The following CACNA1E variants were observed in gnomAD, a reference collection of about 807,000 sequenced individuals.
CACNA1E encodes voltage-dependent R-type calcium channel subunit alpha-1E.
A neutral mutation model predicts 259.2 loss-of-function variants in CACNA1E; 40 were observed. That is an observed-to-expected ratio of 0.15 (90% CI 0.12 to 0.20). The LOEUF (loss-of-function observed/expected upper bound fraction) is 0.20. Among genes scored for constraint, CACNA1E ranks in the 10% least tolerant of loss-of-function variants. The pLI is 1.00. For missense variants in CACNA1E, 1,874 were observed against 3,040.1 expected (o/e 0.62, Z 9.02); for synonymous variants, 1,104 against 1,138.5 (o/e 0.97, Z 0.61).
At chr1:181,412,405 T>C (rs867036555) in intron 1 of CACNA1E, among the ~76,000 whole-genome samples, 40 of 152,108 alleles carry the variant, frequency 2.6e-4, no homozygotes, top group Admixed American at 7.2e-4. Context: ...ACGTCATCTC[T>C]ACAAAAAATA....
At chr1:181,394,378 A>G (rs1484783606) in intron 1 of CACNA1E, among the ~76,000 whole-genome samples, 1 of 152,224 alleles carries the variant, frequency 6.6e-6, no homozygotes, top group Non-Finnish European at 1.5e-5. Flanking sequence ...GATAATACAG[A>G]ACATTTTGTG....
At chr1:181,538,665 GA>G (rs34351318) in intron 3 of CACNA1E, among the ~76,000 whole-genome samples, 3 of 151,530 alleles carry the variant, frequency 2.0e-5, no homozygotes, top group South Asian at 4.2e-4. Flanking sequence ...CTGTGTTTGG[GA>G]AAAAAAAAAC....
intron 2 of CACNA1E, among the ~76,000 whole-genome samples, chr1:181,468,182 G>C (rs936199959): frequency 6.6e-6 from 1 of 152,168 alleles, no homozygotes; most frequent in African/African-American, 2.4e-5. Flanking sequence ...AGTTGAAAAT[G>C]TTCCCCAATT....
intron 6 of CACNA1E, among the ~76,000 whole-genome samples, chr1:181,582,293 G>A (rs1268832341): frequency 6.6e-6 from 1 of 152,226 alleles, no homozygotes; most frequent in African/African-American, 2.4e-5. Flanking sequence ...CTCACCAGCT[G>A]TGGGAGGCAG....
intron 34 of CACNA1E, among the ~76,000 whole-genome samples, chr1:181,766,135 T>C (rs1445552577): frequency 6.6e-6 from 1 of 151,926 alleles, no homozygotes; most frequent in Admixed American, 6.6e-5. Context: ...GGTATGGGAG[T>C]GGGAGGGGGT....
chr1:181,535,293 C>G (rs1281115572), intron 3 of CACNA1E, among the ~76,000 whole-genome samples: 1 of 152,008 alleles, frequency 6.6e-6, no homozygotes, highest in South Asian at 2.1e-4. Context: ...AAATGTTTCC[C>G]CTCCCCCATT....
chr1:181,467,768 T>C (rs1157103637), intron 2 of CACNA1E, among the ~76,000 whole-genome samples: 2 of 152,192 alleles, frequency 1.3e-5, no homozygotes, highest in African/African-American at 4.8e-5. Context: ...ATGATGTTGA[T>C]GAGTCCTATG....
chr1:181,747,988 AAAATCAGTT>A (rs1308116812), intron 25 of CACNA1E, among the ~76,000 whole-genome samples: 6 of 152,236 alleles, frequency 3.9e-5, no homozygotes, highest in African/African-American at 1.4e-4. Flanking sequence ...TGGCAATTTT[AAAATCAGTT>A]AAATCTTGCC....
intron 6 of CACNA1E, among the ~76,000 whole-genome samples, chr1:181,609,866 A>G (rs1487837529): frequency 1.3e-5 from 2 of 152,176 alleles, no homozygotes; most frequent in Admixed American, 6.5e-5. Context: ...AGTGGGCAAA[A>G]CCAGGATGGT....
chr1:181,394,731 GA>G (rs1656535226), intron 1 of CACNA1E, among the ~76,000 whole-genome samples: 1 of 152,204 alleles, frequency 6.6e-6, no homozygotes, highest in Non-Finnish European at 1.5e-5. Flanking sequence ...AATATGTGAA[GA>G]AGATGACGGA....
At chr1:181,615,319 A>G (rs1655110045) in intron 6 of CACNA1E, among the ~76,000 whole-genome samples, 1 of 152,066 alleles carries the variant, frequency 6.6e-6, no homozygotes, top group Admixed American at 6.5e-5. Context: ...CCTCTGGAGT[A>G]GCTGGGATTA....
chr1:181,445,420 G>A (rs1343725632), intron 2 of CACNA1E, among the ~76,000 whole-genome samples: 1 of 152,216 alleles, frequency 6.6e-6, no homozygotes, highest in Non-Finnish European at 1.5e-5. Context: ...AGATGACCCT[G>A]CTATTCCCCA....
chr1:181,788,900 T>C (rs1318686494), intron 43 of CACNA1E, among the ~76,000 whole-genome samples: 1 of 152,228 alleles, frequency 6.6e-6, no homozygotes, highest in Non-Finnish European at 1.5e-5. Flanking sequence ...ATGATCTCAT[T>C]CTGTTGCCCA....
At chr1:181,477,715 AAC>A (rs1379658964) in intron 2 of CACNA1E, among the ~76,000 whole-genome samples, 1 of 152,220 alleles carries the variant, frequency 6.6e-6, no homozygotes, top group Non-Finnish European at 1.5e-5. Flanking sequence ...GGCTTTCAGA[AAC>A]AGAGTCTGTA....
rs1014925818 is a variant in CACNA1E, at chr1:181,800,982, C to T, written c.*2148C>T. ...TTAGCACATGTGTGCTTGAGGGTGG[C>T]TGGGAATGTGATATACAGCACCCTG... On this transcript the variant is annotated 3_prime_UTR_variant, in exon 48 of 48. Coordinates refer to ENST00000367573, the MANE Select transcript of CACNA1E (RefSeq NM_001205293.3). 7 of 152,632 alleles carry T rather than the reference C, an allele frequency of 4.6e-5. No individual in the cohort carries two copies. Among genetic ancestry groups the T allele is most frequent in the Admixed American group, 2.0e-4 (3 of 15,284 alleles). The allele number at this position is 152,632 out of a possible 1,614,324, so 9.5% of individuals were successfully genotyped here.
At chr1:181,354,188 C>A (rs1346904163) in intron 1 of CACNA1E, among the ~76,000 whole-genome samples, 1 of 149,676 alleles carries the variant, frequency 6.7e-6, no homozygotes, top group Non-Finnish European at 1.5e-5. Flanking sequence ...ACAGTGCTTG[C>A]CACATCGTAG....
At chr1:181,596,568 G>T (rs980827391) in intron 6 of CACNA1E, among the ~76,000 whole-genome samples, 8 of 140,478 alleles carry the variant, frequency 5.7e-5, no homozygotes, top group African/African-American at 2.1e-4. Context: ...GTGTGTGTGT[G>T]TGTGTGTGTG....
At chr1:181,504,290 G>A (rs1332857918) in intron 1 of CACNA1E, among the ~76,000 whole-genome samples, 4 of 152,254 alleles carry the variant, frequency 2.6e-5, no homozygotes, top group Admixed American at 1.3e-4. Context: ...CCCCCCAGGA[G>A]TTTCCAGGAA....
chr1:181,396,346 G>C (rs1571759746), intron 1 of CACNA1E, among the ~76,000 whole-genome samples: 1 of 152,240 alleles, frequency 6.6e-6, no homozygotes, highest in East Asian at 1.9e-4. Flanking sequence ...CATCCCAGGA[G>C]GTGGGGTCAT....
Sources: allele counts gnomAD v4.1 joint callset (sites outside exome capture counted in the v4.1 genomes callset), GRCh38; gene constraint gnomAD v4.1.1; transcripts MANE v1.5; gene names NCBI Gene and HGNC (gene_info 2026-07-23, HGNC 2026-07-21).